RASGEF1B: variants seen among roughly 807,000 people sequenced by gnomAD.
RASGEF1B encodes the protein ras-GEF domain-containing family member 1B.
A neutral mutation model predicts 65.7 loss-of-function variants in RASGEF1B; 30 were observed. That is an observed-to-expected ratio of 0.46 (90% CI 0.34 to 0.62). RASGEF1B has a LOEUF of 0.62. Among genes scored for constraint, RASGEF1B ranks in the 20% least tolerant of loss-of-function variants. The pLI is 0.01. For missense variants in RASGEF1B, 495 were observed against 580.1 expected (o/e 0.85, Z 1.51); for synonymous variants, 175 against 194.8 (o/e 0.90, Z 0.85).
chr4:81,465,661 CT>C (rs1722780079), intron 1 of RASGEF1B, among the ~76,000 whole-genome samples: 1 of 152,180 alleles, frequency 6.6e-6, no homozygotes, highest in African/African-American at 2.4e-5. Flanking sequence ...GAAAAGCTGC[CT>C]TTTTCTAAAC....
chr4:81,432,266 G>A (rs1306046498), intron 13 of RASGEF1B, 33 bp downstream of exon 13: 29 of 1,455,124 alleles, frequency 2.0e-5, no homozygotes, highest in Non-Finnish European at 2.7e-5. Flanking sequence ...ATTTCCTTCA[G>A]ACTTGTGCAG....
chr4:81,432,923 T>G (rs1435022879), intron 12 of RASGEF1B, among the ~76,000 whole-genome samples: 1 of 151,928 alleles, frequency 6.6e-6, no homozygotes, highest in Non-Finnish European at 1.5e-5. Context: ...ATAGGTGATA[T>G]TAATTAAAAA....
rs78313790 is a variant in RASGEF1B at position 81,457,864 on chromosome 4, T to A, written c.178-243A>T. Among the ~76,000 whole-genome samples the A allele has an allele frequency of 0.05, 7,556 of 152,292 alleles. 284 individuals carry two copies. The highest frequency in any genetic ancestry group is 0.1 in the Middle Eastern group (30 of 294). On this transcript the variant is annotated intron_variant, in intron 2 of 13. Transcript: ENST00000264400. ...AGGATAAGTTTGGCTCCTGGAATTA[T>A]TCAGAGCACATTTTCACATCCTTCC...
chr4:81,435,745 G>A (rs545023558), intron 10 of RASGEF1B, among the ~76,000 whole-genome samples: 4 of 145,144 alleles, frequency 2.8e-5, no homozygotes, highest in East Asian at 2.0e-4. Context: ...AAAGTGCTGG[G>A]ATTACAGGCG....
chr4:81,440,744 T>G, intron 10 of RASGEF1B, 90 bp downstream of exon 10: 1 of 765,750 alleles, frequency 1.3e-6, no homozygotes, highest in Non-Finnish European at 2.2e-6. Flanking sequence ...TCTTAACAAG[T>G]AAAAAAACTT....
chr4:81,471,541 G>T (rs1297608762), intron 1 of RASGEF1B, among the ~76,000 whole-genome samples: 1 of 152,162 alleles, frequency 6.6e-6, no homozygotes, highest in Non-Finnish European at 1.5e-5. Flanking sequence ...CCCTCCCCCG[G>T]TCCCGGGCTG....
At chr4:81,434,073 A>G in intron 11 of RASGEF1B, 110 bp from the exon 12 acceptor site, 1 of 953,552 alleles carries the variant, frequency 1.0e-6, no homozygotes. Flanking sequence ...TTAAGGAGAC[A>G]GGGTTTCACT....
At chr4:81,444,615 C>A (rs1269296197) in intron 8 of RASGEF1B, among the ~76,000 whole-genome samples, 1 of 152,198 alleles carries the variant, frequency 6.6e-6, no homozygotes. Flanking sequence ...CAGCTCGCTG[C>A]AACCTCCGAC....
chr4:81,452,964 A>T (rs1402983125), intron 4 of RASGEF1B: 1 of 151,694 alleles, frequency 6.6e-6, no homozygotes, highest in Non-Finnish European at 1.5e-5. Flanking sequence ...TGACTAAATT[A>T]TATATACGGC....
In RASGEF1B at chr4:81,447,536, A is replaced by G; in HGVS notation, c.697T>C (p.Phe233Leu). 6.2e-7 allele frequency: 1 copy of G among 1,614,060 alleles called. No individual in the cohort carries two copies. The highest frequency in any genetic ancestry group is 8.5e-7 in the Non-Finnish European group (1 of 1,179,986). Residue 233 changes from phenylalanine to leucine, a missense_variant, in exon 6 of 14, where the codon TTC becomes CTC. By Grantham distance (22) the Phe-to-Leu change is conservative (BLOSUM62 0). Coordinates refer to ENST00000264400, the MANE Select transcript of RASGEF1B (RefSeq NM_152545.3). ...YIGPEEFVQA[F>L]VQKDPLDNDK... The stretch of plus-strand genomic sequence containing the variant: ...TTATCCAAAGGGTCCTTCTGCACGA[A>G]CGCCTGAACAAATTCTTCTGGCCCA...
At chr4:81,448,005 T>A (rs569326695) in intron 5 of RASGEF1B, 64 bp downstream of exon 5, 1 of 1,346,548 alleles carries the variant, frequency 7.4e-7, no homozygotes, top group South Asian at 1.2e-5. Context: ...GACAAATATA[T>A]CGTCTGGTTG....
At chr4:81,459,716 C>T (rs1560709947) in intron 1 of RASGEF1B, among the ~76,000 whole-genome samples, 1 of 152,092 alleles carries the variant, frequency 6.6e-6, no homozygotes, top group Non-Finnish European at 1.5e-5. Context: ...TTTTGAGTAC[C>T]ACTCTCATTC....
At chr4:81,429,486 T>C (rs1362882710) in intron 13 of RASGEF1B, among the ~76,000 whole-genome samples, 1 of 151,936 alleles carries the variant, frequency 6.6e-6, no homozygotes, top group Admixed American at 6.6e-5. Context: ...GAAAGGCAGG[T>C]CCCTGGCTAG....
intron 6 of RASGEF1B, among the ~76,000 whole-genome samples, chr4:81,446,719 T>C (rs904451457): frequency 3.3e-5 from 5 of 152,160 alleles, no homozygotes; most frequent in Non-Finnish European, 7.4e-5. Flanking sequence ...CATCTTGAAG[T>C]TCAAGGCCAG....
intron 4 of RASGEF1B, chr4:81,455,269 T>C (rs964709023): frequency 6.6e-6 from 1 of 152,120 alleles, no homozygotes; most frequent in Admixed American, 6.5e-5. Context: ...AGGCTTTGTC[T>C]CTACAAAAAA....
At chr4:81,461,953 C>T (rs142599563) in intron 1 of RASGEF1B, among the ~76,000 whole-genome samples, 4 of 152,212 alleles carry the variant, frequency 2.6e-5, no homozygotes, top group Non-Finnish European at 4.4e-5. Context: ...ACCCACAAAA[C>T]GGTCATGGGT....
Position 81,456,084 on chromosome 4 carries a change from T to C in RASGEF1B, c.438+567A>G, listed in dbSNP as rs149586553. 336 of 166,200 alleles carry C rather than the reference T, an allele frequency of 2.0e-3. 3 individuals carry two copies. The highest frequency in any genetic ancestry group is 0.011 in the East Asian group (64 of 5,630). 10.3% of individuals were successfully genotyped at this position (166,200 alleles called of 1,614,324 possible). The stretch of plus-strand genomic sequence containing the variant: ...TACTATACTTCCCCTTTTCTGACAG[T>C]GAATATTACATGACCAGCTGTATTT... On this transcript the variant is annotated intron_variant, in intron 4 of 13. Coordinates refer to ENST00000264400, the MANE Select transcript of RASGEF1B (RefSeq NM_152545.3).
chr4:81,460,902 C>T (rs1424664048), intron 1 of RASGEF1B, among the ~76,000 whole-genome samples: 1 of 152,130 alleles, frequency 6.6e-6, no homozygotes, highest in African/African-American at 2.4e-5. Context: ...TGACTGAGAA[C>T]CACTCTATTC....
chr4:81,462,287 A>T (rs1722673991), intron 1 of RASGEF1B, among the ~76,000 whole-genome samples: 1 of 152,230 alleles, frequency 6.6e-6, no homozygotes, highest in South Asian at 2.1e-4. Flanking sequence ...TTGGAACTAT[A>T]CCACTTGCAG....
Sources: allele counts gnomAD v4.1 joint callset (sites outside exome capture counted in the v4.1 genomes callset), GRCh38; gene constraint gnomAD v4.1.1; transcripts MANE v1.5; gene names NCBI Gene and HGNC (gene_info 2026-07-23, HGNC 2026-07-21).